Variants in TNRC6A observed in about 807,000 individuals in gnomAD.
TNRC6A encodes the protein trinucleotide repeat containing adaptor 6A, also known as trinucleotide repeat-containing gene 6A protein.
Under a neutral mutation model 221.2 loss-of-function variants are expected in TNRC6A, and 44 were observed. The observed-to-expected ratio is 0.20, with a 90% CI of 0.16 to 0.26. The LOEUF (loss-of-function observed/expected upper bound fraction) is 0.26. TNRC6A is among the 10% of genes least tolerant of loss of function. The probability of loss-of-function intolerance (pLI) is 1.00; values close to 1 mark genes in which losing one functional copy is unlikely to be tolerated. For missense variants in TNRC6A, 2,199 were observed against 2,404.4 expected, an observed-to-expected ratio of 0.91 and a Z score of 1.79; for synonymous variants, 847 against 838.5, an observed-to-expected ratio of 1.01 and a Z score of -0.18.
At chr16:24,785,649 C>T (rs551558866) in intron 5 of TNRC6A, among the ~76,000 whole-genome samples, 1 of 152,124 alleles carries the variant, frequency 6.6e-6, no homozygotes, top group Non-Finnish European at 1.5e-5. Context: ...GTATTGATGA[C>T]AAGTATTTTT....
At chr16:24,661,086 A>T (rs950031737) in intron 2 of TNRC6A, among the ~76,000 whole-genome samples, 3 of 151,274 alleles carry the variant, frequency 2.0e-5, no homozygotes, top group South Asian at 2.1e-4. Context: ...TTTAAGAAAA[A>T]TTTTTTTTCA....
intron 4 of TNRC6A, 48 bp downstream of exon 4, chr16:24,758,408 G>T (rs758175163): frequency 4.4e-6 from 7 of 1,586,930 alleles, no homozygotes; most frequent in Non-Finnish European, 6.0e-6. Context: ...TTAAAGCAAG[G>T]TTGTTTATGT....
chr16:24,646,453 A>G (rs1320157127), intron 2 of TNRC6A, among the ~76,000 whole-genome samples: 1 of 152,198 alleles, frequency 6.6e-6, no homozygotes, highest in Non-Finnish European at 1.5e-5. Context: ...AGTTTTAACA[A>G]CTGTACCCAT....
At chr16:24,807,061 A>G (rs974120822) in intron 17 of TNRC6A, among the ~76,000 whole-genome samples, 14 of 148,066 alleles carry the variant, frequency 9.5e-5, no homozygotes, top group Non-Finnish European at 1.6e-4. Flanking sequence ...GGTGGAGTGC[A>G]GTGGTGAGAT....
chr16:24,668,226 G>A (rs2055214889), intron 2 of TNRC6A, among the ~76,000 whole-genome samples: 2 of 152,012 alleles, frequency 1.3e-5, no homozygotes, highest in South Asian at 2.1e-4. Flanking sequence ...TACTTGAGAG[G>A]CTGAGGCAGG....
intron 3 of TNRC6A, among the ~76,000 whole-genome samples, chr16:24,757,780 A>C (rs1293816359): frequency 6.6e-6 from 1 of 152,212 alleles, no homozygotes; most frequent in Non-Finnish European, 1.5e-5. Flanking sequence ...ATCAGTTTGA[A>C]ATTTTTTTCC....
At chr16:24,634,304 C>A (rs1901511054) in intron 1 of TNRC6A, among the ~76,000 whole-genome samples, 1 of 152,028 alleles carries the variant, frequency 6.6e-6, no homozygotes, top group African/African-American at 2.4e-5. Flanking sequence ...GTGGTGCATG[C>A]CCGTAGTCCC....
chr16:24,788,331 A>G (rs1407217900), intron 5 of TNRC6A, among the ~76,000 whole-genome samples: 2 of 152,208 alleles, frequency 1.3e-5, no homozygotes, highest in African/African-American at 2.4e-5. Flanking sequence ...TATGAGAGGA[A>G]GTTGAACTGA....
At chr16:24,739,536 T>C (rs1466062754) in intron 2 of TNRC6A, among the ~76,000 whole-genome samples, 2 of 146,252 alleles carry the variant, frequency 1.4e-5, no homozygotes, top group South Asian at 2.2e-4. Context: ...TGGAGTGCAG[T>C]GGCATGATCT....
intron 5 of TNRC6A, among the ~76,000 whole-genome samples, chr16:24,784,973 C>T (rs1321685455): frequency 6.6e-6 from 1 of 152,248 alleles, no homozygotes; most frequent in East Asian, 1.9e-4. Flanking sequence ...TTCATGATTT[C>T]GTCTTTTACT....
At chr16:24,690,312 G>GA (rs961574382) in intron 2 of TNRC6A, among the ~76,000 whole-genome samples, 5 of 150,674 alleles carry the variant, frequency 3.3e-5, no homozygotes, top group African/African-American at 9.7e-5. Flanking sequence ...GCCTGGACAA[G>GA]AAAAAAAAAT....
chr16:24,709,438 G>A lies in TNRC6A; in HGVS notation n.403-41288G>A, dbSNP rs572435210. On this transcript the variant is annotated intron_variant and non_coding_transcript_variant, in intron 2 of 2. Transcript: ENST00000566108. ...AATTTACATTCCCACCAGCAGTGACGCACTCTCCTTGAAAGGCAAATTAAC... is the reference window on the plus strand; with the variant it reads ...AATTTACATTCCCACCAGCAGTGACACACTCTCCTTGAAAGGCAAATTAAC... Among the ~76,000 whole-genome samples, 52 of 152,256 alleles carry A rather than the reference G, an allele frequency of 3.4e-4. 1 individual carries two copies. The highest frequency in any genetic ancestry group is 3.2e-3 in the Admixed American group (49 of 15,280).
chr16:24,793,773 G>T, intron 7 of TNRC6A, 124 bp downstream of exon 7: 1 of 848,064 alleles, frequency 1.2e-6, no homozygotes, highest in Non-Finnish European at 1.6e-6. Context: ...TAACATGATA[G>T]ATGATGTTCA....
At chr16:24,686,262 A>C (rs542536387) in intron 2 of TNRC6A, among the ~76,000 whole-genome samples, 1 of 152,174 alleles carries the variant, frequency 6.6e-6, no homozygotes, top group African/African-American at 2.4e-5. Flanking sequence ...GGGGCAGTTC[A>C]CTTTAACCAC....
At position 24,724,580 on chromosome 16, in the gene TNRC6A, T is replaced by C. The variant is rs191086944; in HGVS notation, n.403-26146T>C. ...GGGCAACATGGTGAAACCCCATCTC[T>C]ACAAAAAATACAAAAAGTAGCCAGG... On this transcript the variant is annotated intron_variant and non_coding_transcript_variant, in intron 2 of 2. Coordinates refer to the TNRC6A transcript ENST00000566108. Among the ~76,000 whole-genome samples, 3 of 152,136 alleles carry C rather than the reference T, an allele frequency of 2.0e-5. No individual in the cohort carries two copies. The East Asian group carries it at 5.8e-4, about 29-fold the overall frequency.
At chr16:24,729,081 A>T (rs2056543924), upstream of TNRC6A, among the ~76,000 whole-genome samples, 1 of 152,072 alleles carries the variant, frequency 6.6e-6, no homozygotes, top group African/African-American at 2.4e-5. Flanking sequence ...CCTGAGCAGA[A>T]AATCCGTGCA....
intron 5 of TNRC6A, among the ~76,000 whole-genome samples, chr16:24,782,325 G>T (rs994810583): frequency 6.6e-6 from 1 of 152,178 alleles, no homozygotes; most frequent in African/African-American, 2.4e-5. Context: ...ATTTGGTTGT[G>T]ATATTGCATT....
rs2056569500 is a variant in TNRC6A at position 24,729,689 on chromosome 16, G to T, written c.-153G>T. The T allele has an allele frequency of 4.2e-6, 3 of 708,534 alleles. No homozygotes were observed. The highest frequency in any genetic ancestry group is 5.8e-6 in the Non-Finnish European group (3 of 519,772). The allele number at this position is 708,534 out of a possible 1,614,324, so 43.9% of individuals were successfully genotyped here. On this transcript the variant is annotated 5_prime_UTR_variant, in exon 1 of 25. Coordinates refer to ENST00000395799, the MANE Select transcript of TNRC6A (RefSeq NM_014494.4). Reference sequence around the variant, plus strand: ...GGCCTGCGGCGGCGGCGGTGTCGGCGGCGGCGGCGGCGGCGGCGGCGGCGG... The same window carrying T: ...GGCCTGCGGCGGCGGCGGTGTCGGCTGCGGCGGCGGCGGCGGCGGCGGCGG...
At chr16:24,806,850 C>A in intron 17 of TNRC6A, 66 bp downstream of exon 17, 1 of 1,425,444 alleles carries the variant, frequency 7.0e-7, no homozygotes, top group Non-Finnish European at 9.8e-7. Flanking sequence ...CTCCTTCACA[C>A]GTACCCTTAC....
Sources: gnomAD v4.1 joint callset for allele counts (sites outside exome capture counted in the v4.1 genomes callset) on GRCh38, gnomAD v4.1.1 for gene constraint, MANE v1.5 for transcripts, NCBI Gene and HGNC (gene_info 2026-07-23, HGNC 2026-07-21) for gene names.